TNS1: variants seen among roughly 807,000 people sequenced by gnomAD.
The protein encoded by TNS1 is tensin 1.
A neutral mutation model predicts 168.6 loss-of-function variants in TNS1; 62 were observed. The observed-to-expected ratio is 0.37, with a 90% CI of 0.30 to 0.45. The LOEUF (loss-of-function observed/expected upper bound fraction) is 0.45. Ranked by LOEUF, TNS1 falls within the 20% of genes least tolerant of loss-of-function variation. The pLI is 1.00. For missense variants in TNS1, 2,240 were observed against 2,339.4 expected (o/e 0.96, Z 0.88); for synonymous variants, 934 against 933.2 (o/e 1.00, Z -0.02).
chr2:217,875,299 C>T (rs1950115431), intron 18 of TNS1, among the ~76,000 whole-genome samples: 1 of 152,152 alleles, frequency 6.6e-6, no homozygotes, highest in Admixed American at 6.5e-5. Context: ...CATAATTGAG[C>T]CTCTCCTGAC....
Position 217,847,659 on chromosome 2 carries a change from C to T in TNS1, c.2858G>A (p.Ser953Asn), listed in dbSNP as rs1283759236. 6.3e-7 allele frequency: 1 copy of T among 1,595,056 alleles called. No individual in the cohort carries two copies. The highest frequency in any genetic ancestry group is 1.1e-5 in the South Asian group (1 of 89,854). Residue 953 changes from serine to asparagine, a missense_variant, in exon 19 of 33, where the codon AGC becomes AAC. Ser to Asn is a conservative substitution (Grantham distance 46). Transcript: ENST00000682258. ...TGGGGGTTGCTGAGGCCCTGGAGGG[C>T]TGTGGGTGGTCGGAAGGAAGGCAGG... The part of the protein sequence containing the change: ...SLPAFLPTTH[S>N]PPGPQQPPAS...
intron 3 of TNS1, among the ~76,000 whole-genome samples, chr2:217,961,250 C>CAGAG (rs1235599070): frequency 1.5e-5 from 2 of 133,840 alleles, no homozygotes; most frequent in Admixed American, 7.1e-5. Context: ...CACACACACA[C>CAGAG]ACACACACAC....
intron 3 of TNS1, among the ~76,000 whole-genome samples, chr2:217,926,312 A>C (rs1402678732): frequency 6.6e-6 from 1 of 152,226 alleles, no homozygotes; most frequent in South Asian, 2.1e-4. Context: ...CCTTAGCATC[A>C]TATTTTCAAG....
upstream of TNS1, among the ~76,000 whole-genome samples, chr2:218,012,851 A>C (rs1273357094): frequency 6.6e-6 from 1 of 152,166 alleles, no homozygotes; most frequent in Non-Finnish European, 1.5e-5. Context: ...TCTTTCACCA[A>C]AATTCACATA....
intron 11 of TNS1, 109 bp from the exon 12 acceptor site, chr2:217,891,154 C>A: frequency 2.9e-6 from 3 of 1,017,186 alleles, no homozygotes; most frequent in Non-Finnish European, 4.5e-6. Context: ...CCAAAGAGCA[C>A]CTTTGTCCTG....
rs888833578 is a variant in TNS1 at position 217,995,654 on chromosome 2, G to A, written c.34-4598C>T. ...CCTGACAAGTGGCAGACGGCCTCAC[G>A]GAGCACACCCCGGGGCCCTTCCTTT... On this transcript the variant is annotated intron_variant, in intron 1 of 32. Coordinates refer to ENST00000682258, the MANE Select transcript of TNS1 (RefSeq NM_001387777.1). This position sits in a 1 kb window ranked among gnomAD's most constrained non-coding sequence, Gnocchi z 4.1. Among the ~76,000 whole-genome samples, 9 of 152,110 alleles carry A rather than the reference G, an allele frequency of 5.9e-5. No homozygotes were observed. Among genetic ancestry groups the A allele is most frequent in the South Asian group, 2.1e-4 (1 of 4,826 alleles).
intron 5 of TNS1, 50 bp downstream of exon 5, chr2:217,907,160 C>T: frequency 1.4e-6 from 1 of 702,736 alleles, no homozygotes; most frequent in South Asian, 1.5e-5. Context: ...AGCCTTCTCA[C>T]ACCTGCCCAG....
At chr2:217,916,230 T>TC (rs1018514106) in intron 4 of TNS1, among the ~76,000 whole-genome samples, 6 of 152,092 alleles carry the variant, frequency 3.9e-5, no homozygotes, top group African/African-American at 7.2e-5. Flanking sequence ...TCCCATGGTG[T>TC]CCCCCTGCAA....
At chr2:217,920,833 G>A (rs552840172) in intron 3 of TNS1, among the ~76,000 whole-genome samples, 2 of 152,284 alleles carry the variant, frequency 1.3e-5, no homozygotes, top group East Asian at 3.9e-4. Context: ...GCTAACACAT[G>A]TGGAAGGCTT....
At chr2:217,920,050 C>G in intron 4 of TNS1, 145 bp downstream of exon 4, 1 of 657,610 alleles carries the variant, frequency 1.5e-6, no homozygotes, top group East Asian at 2.7e-5. Flanking sequence ...AGGCCCGCTT[C>G]GGCCCAGGGA....
At chr2:218,028,452 TCATCCAGC>T (rs1328334044) in intron 1 of TNS1, among the ~76,000 whole-genome samples, 1 of 152,194 alleles carries the variant, frequency 6.6e-6, no homozygotes, top group Non-Finnish European at 1.5e-5. Context: ...CTCTCACCAT[TCATCCAGC>T]CATCCCTTGG....
At chr2:217,887,122 C>T (rs1255540626) in intron 12 of TNS1, among the ~76,000 whole-genome samples, 1 of 152,204 alleles carries the variant, frequency 6.6e-6, no homozygotes, top group Non-Finnish European at 1.5e-5. Context: ...CCCACAGATC[C>T]AGTAGCCACA....
chr2:217,847,988 G>A lies in TNS1; in HGVS notation c.2529C>T (p.Asp843=). The A allele has an allele frequency of 6.6e-7, 1 of 1,511,384 alleles. No individual in the cohort carries two copies. 93.6% of individuals were successfully genotyped at this position (1,511,384 alleles called of 1,614,324 possible). Residue 843 remains aspartate, a synonymous_variant, in exon 19 of 33, where the codon GAC becomes GAT. Coordinates refer to ENST00000682258, the MANE Select transcript of TNS1 (RefSeq NM_001387777.1). ...GGGCAGCAGCGGAGGCTGGCTCCAG[G>A]TCCAGCATCAGCATATTGAGTGTTT... ...SIETLNMLML[D]LEPASAAAPL...
chr2:217,875,359 C>T (rs192067009), intron 18 of TNS1, among the ~76,000 whole-genome samples: 2 of 152,172 alleles, frequency 1.3e-5, no homozygotes, highest in East Asian at 1.9e-4. Flanking sequence ...CCATGGGTTG[C>T]GAAAGTCTGA....
intron 18 of TNS1, among the ~76,000 whole-genome samples, chr2:217,879,843 A>G (rs1194247348): frequency 6.6e-6 from 1 of 152,186 alleles, no homozygotes; most frequent in Admixed American, 6.5e-5. Context: ...TAGCTCTGCC[A>G]TGGGACCCAG....
At chr2:217,885,228 C>A in intron 15 of TNS1, 64 bp from the exon 16 acceptor site, 1 of 1,605,372 alleles carries the variant, frequency 6.2e-7, no homozygotes, top group Non-Finnish European at 8.5e-7. Flanking sequence ...TCCCAGGGAG[C>A]CTCCTTATCA....
At chr2:217,945,884 G>T (rs917369798) in intron 3 of TNS1, among the ~76,000 whole-genome samples, 1 of 152,110 alleles carries the variant, frequency 6.6e-6, no homozygotes, top group East Asian at 1.9e-4. Flanking sequence ...AGGGGATCCC[G>T]GGTCAGTTTC....
intron 2 of TNS1, among the ~76,000 whole-genome samples, chr2:217,983,058 G>A (rs967609018): frequency 1.3e-5 from 2 of 152,098 alleles, no homozygotes; most frequent in East Asian, 1.9e-4. Context: ...TCCAACCCTG[G>A]GAACATCAGA....
rs777917136 is a variant in TNS1 at position 217,836,088 on chromosome 2, C to T, written c.3131G>A (p.Arg1044His). The change falls in exon 20 of 33, where the codon CGC (arginine) becomes CAC (histidine). Residue 1044 changes from arginine to histidine, a missense_variant. Coordinates refer to ENST00000682258, the MANE Select transcript of TNS1 (RefSeq NM_001387777.1). The stretch of plus-strand genomic sequence containing the variant: ...CGGGGAGACACACTGGACAGGGGAG[C>T]GAACCCCAGGGCTACGAGGGGATGT... Reference protein sequence around the residue: ...EATSPRSPGVRSPVQCVSPEL... With the variant: ...EATSPRSPGVHSPVQCVSPEL... 9.9e-6 allele frequency: 16 copies of T among 1,613,894 alleles called. No homozygotes were observed. Among genetic ancestry groups the T allele is most frequent in the Middle Eastern group, 1.6e-4 (1 of 6,080 alleles).
Sources: allele counts gnomAD v4.1 joint callset (sites outside exome capture counted in the v4.1 genomes callset), GRCh38; gene constraint gnomAD v4.1.1; non-coding constraint Gnocchi (gnomAD v3.1); transcripts MANE v1.5; gene names NCBI Gene and HGNC (gene_info 2026-07-23, HGNC 2026-07-21).